OSBPL9: variants seen among roughly 807,000 people sequenced by gnomAD.
OSBPL9 encodes oxysterol-binding protein-related protein 9.
A neutral mutation model predicts 106.6 loss-of-function variants in OSBPL9; 40 were observed. The observed-to-expected ratio is 0.38, with a 90% confidence interval of 0.29 to 0.49. The LOEUF is 0.49. Among genes scored for constraint, OSBPL9 ranks in the 20% least tolerant of loss-of-function variants. The pLI is 0.97. For missense variants in OSBPL9, 609 were observed against 887.2 expected (o/e 0.69, Z 3.98); for synonymous variants, 269 against 295.4 (o/e 0.91, Z 0.92).
intron 21 of OSBPL9, 112 bp downstream of exon 21, chr1:51,785,998 T>C: frequency 2.1e-6 from 2 of 932,758 alleles, no homozygotes. Flanking sequence ...TTCTACAGTA[T>C]ATTAGAGCTG....
In OSBPL9 at chr1:51,602,018, C is replaced by CTTTTTTTT. The variant is rs758760414; in HGVS notation, c.-353+3838_-353+3845dup. ...AGTCAATTGTTCCATTCTTGGGGTT[C>CTTTTTTTT]TTTTTTTTTTTTTTTTTTTTGAGAC... On this transcript the variant is annotated intron_variant, in intron 2 of 25. Coordinates refer to the OSBPL9 transcript ENST00000371714. 3.5e-4 allele frequency among the ~76,000 whole-genome samples: 27 copies of CTTTTTTTT among 76,396 alleles called. 8 individuals carry two copies. The highest frequency in any genetic ancestry group is 6.8e-4 in the African/African-American group (13 of 19,204). 50.1% of individuals were successfully genotyped at this position (76,396 alleles called of 152,430 possible). A position where few individuals can be genotyped will look rare whatever the true frequency, so the allele number is the denominator to read the frequency against.
chr1:51,538,212 A>G, the OSBPL9 span, among the ~76,000 whole-genome samples: 1 of 152,156 alleles, frequency 6.6e-6, no homozygotes, highest in African/African-American at 2.4e-5. Flanking sequence ...GAATCACTTG[A>G]ACCTTGGAGG....
chr1:51,773,512 T>C (rs1312123919), intron 14 of OSBPL9, among the ~76,000 whole-genome samples: 1 of 152,196 alleles, frequency 6.6e-6, no homozygotes, highest in Non-Finnish European at 1.5e-5. Flanking sequence ...AGTGGCAGAC[T>C]GAGATTCTAA....
chr1:51,590,916 A>ATTT (rs1293562526), intron 1 of OSBPL9, among the ~76,000 whole-genome samples: 3 of 131,634 alleles, frequency 2.3e-5, no homozygotes, highest in Admixed American at 7.7e-5. Context: ...TGCCTGGCTA[A>ATTT]TTTTTTTTTT....
chr1:51,588,281 C>G (rs1645257203), intron 1 of OSBPL9, among the ~76,000 whole-genome samples: 1 of 152,206 alleles, frequency 6.6e-6, no homozygotes, highest in Admixed American at 6.5e-5. Flanking sequence ...ACTCGGGAGG[C>G]TGAGGCAGGA....
intron 3 of OSBPL9, among the ~76,000 whole-genome samples, chr1:51,679,625 C>T (rs996503315): frequency 1.3e-5 from 2 of 152,214 alleles, no homozygotes; most frequent in African/African-American, 4.8e-5. Flanking sequence ...TTAAATTGCA[C>T]ACTCTTCTGC....
intron 15 of OSBPL9, among the ~76,000 whole-genome samples, chr1:51,777,847 TTGAG>T (rs1172842593): frequency 6.6e-6 from 1 of 152,150 alleles, no homozygotes; most frequent in African/African-American, 2.4e-5. Context: ...AATTTAAACT[TTGAG>T]GCCCCCAGAA....
At chr1:51,674,788 G>C (rs1029111572) in intron 3 of OSBPL9, among the ~76,000 whole-genome samples, 3 of 152,102 alleles carry the variant, frequency 2.0e-5, no homozygotes, top group Non-Finnish European at 4.4e-5. Context: ...CCTCAGTATT[G>C]AGTCCAGTAA....
In OSBPL9 at chr1:51,761,848, A is replaced by G. The variant is rs1312374979; in HGVS notation, c.674-19A>G. 6.4e-7 allele frequency: 1 copy of G among 1,560,014 alleles called. No homozygotes were observed. The highest frequency in any genetic ancestry group is 8.8e-7 in the Non-Finnish European group (1 of 1,131,406). On this transcript the variant is annotated intron_variant, in intron 10 of 23. Transcript: ENST00000428468. ...TTTGGCTGTTTCTGTACCTTATTTT[A>G]TACGTTCAAATCTCCTAGAACCTGT... is the stretch of plus-strand genomic sequence containing the variant.
intron 3 of OSBPL9, among the ~76,000 whole-genome samples, chr1:51,697,159 C>T (rs554574342): frequency 5.0e-4 from 74 of 147,508 alleles, no homozygotes; most frequent in African/African-American, 1.8e-3. Context: ...GACCGTATTT[C>T]TCAAAAAAAG....
intron 4 of OSBPL9, among the ~76,000 whole-genome samples, chr1:51,717,622 A>G (rs1398796845): frequency 1.3e-5 from 2 of 151,990 alleles, no homozygotes; most frequent in Non-Finnish European, 2.9e-5. Flanking sequence ...TGATCATCAG[A>G]GAAATGCAGA....
chr1:51,669,595 G>T, intron 3 of OSBPL9, 83 bp downstream of exon 3: 1 of 1,345,374 alleles, frequency 7.4e-7, no homozygotes, highest in Non-Finnish European at 1.0e-6. Flanking sequence ...TGGATGACTT[G>T]AATGGTTTTG....
intron 4 of OSBPL9, among the ~76,000 whole-genome samples, chr1:51,724,483 A>C (rs1662748060): frequency 1.3e-5 from 2 of 149,452 alleles, no homozygotes; most frequent in Admixed American, 6.6e-5. Flanking sequence ...CGGGGGTTCC[A>C]CCATGTTGGC....
chr1:51,590,032 C>CAAAAA (rs941103745), intron 1 of OSBPL9, among the ~76,000 whole-genome samples: 14 of 50,268 alleles, frequency 2.8e-4, no homozygotes, highest in African/African-American at 4.2e-4. Context: ...GACTCCGTCT[C>CAAAAA]AAAAAAAAAA....
intron 15 of OSBPL9, among the ~76,000 whole-genome samples, chr1:51,780,411 T>G (rs1643271707): frequency 6.6e-6 from 1 of 152,150 alleles, no homozygotes; most frequent in Admixed American, 6.5e-5. Flanking sequence ...AAAAGACACA[T>G]GCACACACAT....
Position 51,765,734 on chromosome 1 carries a change from T to C in OSBPL9, c.779-88T>C, listed in dbSNP as rs188925365. 7.7e-5 allele frequency: 97 copies of C among 1,265,140 alleles called. No homozygotes were observed. In the Middle Eastern group the frequency reaches 8.0e-4, roughly 10 times the overall value. The allele number at this position is 1,265,140 out of a possible 1,614,324, so 78.4% of individuals were successfully genotyped here. A position where few individuals can be genotyped will look rare whatever the true frequency, so the allele number is the denominator to read the frequency against. The stretch of plus-strand genomic sequence containing the variant: ...TTACAAACTTAACCAAACTCTTTTT[T>C]GATTTTAGAAAAGTCTGCTTTGACT... On this transcript the variant is annotated intron_variant, in intron 11 of 23. Transcript: ENST00000428468.
At chr1:51,741,992 G>C (rs906943369) in intron 4 of OSBPL9, among the ~76,000 whole-genome samples, 5 of 152,278 alleles carry the variant, frequency 3.3e-5, no homozygotes, top group East Asian at 1.9e-4. Flanking sequence ...TGGAGAAAAG[G>C]CTTGAGGGAG....
chr1:51,619,894 G>T (rs1644322080), intron 1 of OSBPL9, among the ~76,000 whole-genome samples: 1 of 152,140 alleles, frequency 6.6e-6, no homozygotes, highest in Admixed American at 6.6e-5. Flanking sequence ...AGCCTTCCAA[G>T]CAAGGCAGTG....
At chr1:51,622,516 C>G (rs1223232233) in intron 1 of OSBPL9, among the ~76,000 whole-genome samples, 4 of 152,170 alleles carry the variant, frequency 2.6e-5, no homozygotes, top group Non-Finnish European at 5.9e-5. Context: ...GGCTCAGGGT[C>G]TCTTATGAAG....
Sources: gnomAD v4.1 joint callset for allele counts (sites outside exome capture counted in the v4.1 genomes callset) on GRCh38, gnomAD v4.1.1 for gene constraint, MANE v1.5 for transcripts, NCBI Gene and HGNC (gene_info 2026-07-23, HGNC 2026-07-21) for gene names.